The following SMYD4 variants were observed in gnomAD, a reference collection of about 807,000 sequenced individuals.
SMYD4 encodes protein-lysine N-methyltransferase SMYD4.
A neutral mutation model predicts 72.8 loss-of-function variants in SMYD4; 68 were observed. The observed-to-expected ratio is 0.93, with a 90% CI of 0.77 to 1.14. The LOEUF is 1.14. SMYD4 is among the 50% of genes most tolerant of loss of function. The pLI, the probability that SMYD4 is intolerant of heterozygous loss-of-function variation, is 0.00. For synonymous variants in SMYD4, 407 were observed against 388.6 expected (o/e 1.05, Z -0.56); for missense variants, 984 against 1,003.7 (o/e 0.98, Z 0.27).
intron 3 of SMYD4, 63 bp from the exon 4 acceptor site, chr17:1,804,778 C>T: frequency 6.5e-7 from 1 of 1,536,952 alleles, no homozygotes; most frequent in Non-Finnish European, 9.0e-7. Context: ...GAACATTTTT[C>T]AGATATTCCG....
In SMYD4 at chr17:1,800,113, G is replaced by T; in HGVS notation, c.1281C>A (p.Asn427Lys). 1 of 1,611,366 alleles carries T rather than the reference G, an allele frequency of 6.2e-7. No individual in the cohort carries two copies. Among genetic ancestry groups the T allele is most frequent in the African/African-American group, 1.3e-5 (1 of 74,884 alleles). ...KYENNYNAVF[N>K]LLPHTENHSP... ...TATGGTTTTCAGTGTGGGGCAAAAG[G>T]TTGAAGACAGCATTATAATTATTTT... The change falls in exon 5 of 11, where the codon AAC becomes AAA. Residue 427 changes from asparagine to lysine, a missense_variant. Coordinates refer to ENST00000305513, the MANE Select transcript of SMYD4 (RefSeq NM_052928.3).
intron 4 of SMYD4, among the ~76,000 whole-genome samples, chr17:1,801,376 C>T (rs931077657): frequency 7.3e-5 from 11 of 151,668 alleles, no homozygotes; most frequent in African/African-American, 2.7e-4. Context: ...GTAGCTGGGA[C>T]TACAGGTGCC....
intron 2 of SMYD4, among the ~76,000 whole-genome samples, chr17:1,817,147 C>T (rs1367308725): frequency 5.3e-5 from 8 of 151,712 alleles, no homozygotes; most frequent in African/African-American, 1.9e-4. Flanking sequence ...AAGTGATTCT[C>T]CTGCCTCAGC....
Position 1,804,632 on chromosome 17 carries a change from C to T in SMYD4, c.363G>A (p.Gln121=). Reference sequence around the variant, plus strand: ...CAGGTATCCTGATACTCACCTCATACTGACCCAGGTGGAAGAGGGCTGCCG... The same window carrying T: ...CAGGTATCCTGATACTCACCTCATATTGACCCAGGTGGAAGAGGGCTGCCG... ...NRSAALFHLG[Q]YETCLKDINR... Residue 121 remains glutamine (Q), a synonymous_variant, in exon 4 of 11, where the codon CAG becomes CAA. Coordinates refer to ENST00000305513, the MANE Select transcript of SMYD4 (RefSeq NM_052928.3). 6.2e-7 allele frequency: 1 copy of T among 1,613,470 alleles called. No homozygotes were observed. The highest frequency in any genetic ancestry group is 8.5e-7 in the Non-Finnish European group (1 of 1,179,612).
At chr17:1,825,908 C>A (rs533655860) in intron 2 of SMYD4, among the ~76,000 whole-genome samples, 1 of 151,788 alleles carries the variant, frequency 6.6e-6, no homozygotes, top group East Asian at 1.9e-4. Flanking sequence ...TGAGGTCAGC[C>A]TGAGCAACAT....
chr17:1,787,391 G>A (rs997466489), intron 6 of SMYD4, 31 bp downstream of exon 6: 13 of 1,550,284 alleles, frequency 8.4e-6, no homozygotes, highest in Non-Finnish European at 1.1e-5. Context: ...GTTGGAGAAG[G>A]GCAGGATGGC....
At position 1,812,007 on chromosome 17, in the gene SMYD4, CT is replaced by C. The variant is rs771306970; in HGVS notation, c.242del (p.Glu81GlyfsTer99). ...GCACTGCAGCTCCTGTGTAATCTTT[CT>C]CCTGAAATTTTTTGTTTCCTTCTTC... ...YREEGNKKFQ[E>X]KDYTGAAVLY... On this transcript the variant is annotated frameshift_variant, in exon 3 of 11. Coordinates refer to ENST00000305513, the MANE Select transcript of SMYD4 (RefSeq NM_052928.3). LOFTEE classifies it high-confidence loss of function. 3 of 1,614,150 alleles carry C rather than the reference CT, an allele frequency of 1.9e-6. No homozygotes were observed. In the South Asian group the frequency reaches 3.3e-5, roughly 18 times the overall value.
chr17:1,806,752 T>C (rs1019961423), intron 3 of SMYD4, among the ~76,000 whole-genome samples: 3 of 152,154 alleles, frequency 2.0e-5, no homozygotes, highest in Non-Finnish European at 4.4e-5. Flanking sequence ...TTTAGCAATA[T>C]ATGTCAAAAT....
chr17:1,820,174 A>G (rs1048154827), intron 2 of SMYD4, among the ~76,000 whole-genome samples: 4 of 152,122 alleles, frequency 2.6e-5, no homozygotes, highest in Non-Finnish European at 5.9e-5. Context: ...TATCACCATT[A>G]TACTTTTTCA....
At chr17:1,806,989 C>T (rs1027030169) in intron 3 of SMYD4, among the ~76,000 whole-genome samples, 2 of 151,858 alleles carry the variant, frequency 1.3e-5, no homozygotes, top group Non-Finnish European at 2.9e-5. Flanking sequence ...CTCCCGGGTT[C>T]AAGCGATTCT....
At chr17:1,782,882 T>C (rs1205406140) in intron 10 of SMYD4, 153 bp downstream of exon 10, 10 of 1,250,856 alleles carry the variant, frequency 8.0e-6, no homozygotes, top group East Asian at 2.6e-5. Context: ...TAAAGCGTTA[T>C]GTTTGTTAGC....
chr17:1,792,007 A>G (rs1909059018), intron 5 of SMYD4, among the ~76,000 whole-genome samples: 1 of 152,036 alleles, frequency 6.6e-6, no homozygotes, highest in Non-Finnish European at 1.5e-5. Flanking sequence ...TCAGGCAGAT[A>G]TAACATGTTA....
chr17:1,823,004 T>C (rs1324539599), intron 2 of SMYD4, among the ~76,000 whole-genome samples: 1 of 152,152 alleles, frequency 6.6e-6, no homozygotes, highest in Non-Finnish European at 1.5e-5. Context: ...ATTGTAAAGA[T>C]GTCAGGTCTC....
intron 2 of SMYD4, among the ~76,000 whole-genome samples, chr17:1,826,504 A>AG (rs1911181167): frequency 1.5e-5 from 1 of 66,886 alleles, no homozygotes; most frequent in East Asian, 2.9e-4. Context: ...AAAAAAAAAA[A>AG]AAAAAAAAAA....
In SMYD4 at chr17:1,800,659, G is replaced by C. The variant is rs747999556; in HGVS notation, c.735C>G (p.Arg245=). The change falls in exon 5 of 11, where the codon CGC becomes CGG. Residue 245 remains arginine (R), a synonymous_variant. Coordinates refer to ENST00000305513, the MANE Select transcript of SMYD4 (RefSeq NM_052928.3). The part of the protein sequence containing the change: ...IGLCVDPLKG[R]CLVATKDILP... ...GAATATCTTTTGTGGCAACGAGACA[G>C]CGACCTTTTAAAGGATCTACGCATA... The C allele has an allele frequency of 9.3e-6, 15 of 1,614,210 alleles. No individual in the cohort carries two copies. In the Admixed American group the frequency reaches 1.3e-4, roughly 14 times the overall value.
At chr17:1,795,331 T>C (rs1909335070) in intron 5 of SMYD4, among the ~76,000 whole-genome samples, 1 of 69,774 alleles carries the variant, frequency 1.4e-5, no homozygotes, top group African/African-American at 3.0e-5. Flanking sequence ...TCTATCTATC[T>C]ATCTAATCAT....
intron 2 of SMYD4, among the ~76,000 whole-genome samples, chr17:1,819,535 T>G (rs906719812): frequency 2.6e-5 from 4 of 152,172 alleles, no homozygotes; most frequent in Non-Finnish European, 5.9e-5. Flanking sequence ...ACTTAAATAC[T>G]CTATAGGGCC....
At chr17:1,792,412 G>A (rs907367471) in intron 5 of SMYD4, among the ~76,000 whole-genome samples, 2 of 151,996 alleles carry the variant, frequency 1.3e-5, no homozygotes, top group African/African-American at 4.8e-5. Flanking sequence ...ACTTTGGGAG[G>A]CCAAGGTGGG....
In SMYD4 at chr17:1,783,170, G is replaced by A. The variant is rs1908462520; in HGVS notation, c.2138-12C>T. The stretch of plus-strand genomic sequence containing the variant: ...CTTTTGCCAGTCTCCTGTGAGAAGA[G>A]AAAAATCTTGTTCCAGAAAAGAACC... On this transcript the variant is annotated splice_polypyrimidine_tract_variant and intron_variant, in intron 9 of 10. Coordinates refer to ENST00000305513, the MANE Select transcript of SMYD4 (RefSeq NM_052928.3). 1 of 1,613,806 alleles carries A rather than the reference G, an allele frequency of 6.2e-7. No individual in the cohort carries two copies. The highest frequency in any genetic ancestry group is 8.5e-7 in the Non-Finnish European group (1 of 1,179,944).
Sources: allele counts gnomAD v4.1 joint callset (sites outside exome capture counted in the v4.1 genomes callset), GRCh38; gene constraint gnomAD v4.1.1; transcripts MANE v1.5; gene names NCBI Gene and HGNC (gene_info 2026-07-23, HGNC 2026-07-21).